Variants in CSMD1 observed in about 807,000 individuals in gnomAD.
The protein encoded by CSMD1 is CUB and sushi domain-containing protein 1.
In CSMD1, 213 loss-of-function variants were observed where a neutral mutation model predicts 417.5. The ratio of observed to expected loss-of-function variants is 0.51; its 90% CI spans 0.46 to 0.57. The LOEUF (loss-of-function observed/expected upper bound fraction) is 0.57. Among genes scored for constraint, CSMD1 ranks in the 20% least tolerant of loss-of-function variants. The pLI is 0.00. For missense variants in CSMD1, 6,923 were observed against 4,529.7 expected (o/e 1.53, Z -15.17); for synonymous variants, 2,862 against 1,736.8 (o/e 1.65, Z -16.11).
Position 4,538,269 on chromosome 8 carries a change from T to G in CSMD1, c.302+99073A>C, listed in dbSNP as rs1451440628. Among the ~76,000 whole-genome samples, 6 of 151,988 alleles carry G rather than the reference T, an allele frequency of 3.9e-5. No homozygotes were observed. The East Asian group carries it at 1.2e-3, about 29-fold the overall frequency. ...TATTTTTCTAATCCCTCTTCTGCATTTATTTTGTTATCCTACCACTACGAC... is the reference window on the plus strand; with the variant it reads ...TATTTTTCTAATCCCTCTTCTGCATGTATTTTGTTATCCTACCACTACGAC... On this transcript the variant is annotated intron_variant, in intron 2 of 69. Coordinates refer to ENST00000635120, the MANE Select transcript of CSMD1 (RefSeq NM_033225.6).
At chr8:4,117,653 C>A (rs1326950981) in intron 3 of CSMD1, among the ~76,000 whole-genome samples, 1 of 152,194 alleles carries the variant, frequency 6.6e-6, no homozygotes, top group South Asian at 2.1e-4. Flanking sequence ...GCCCGCACTT[C>A]TGGGTGCCAA....
At position 4,069,457 on chromosome 8, in the gene CSMD1, C is replaced by A. The variant is rs114516832; in HGVS notation, c.416-37358G>T. Among the ~76,000 whole-genome samples the A allele has an allele frequency of 6.7e-3, 1,020 of 152,270 alleles. 14 individuals are homozygous for A. Among genetic ancestry groups the A allele is most frequent in the African/African-American group, 0.024 (982 of 41,574 alleles). On this transcript the variant is annotated intron_variant, in intron 3 of 69. Transcript: ENST00000635120. ...CACCGTAAAGGAAATACAGTTTTGT[C>A]TTTCGCAGGATATTATCTCTAGGTA...
chr8:4,198,670 G>A (rs1476877948), intron 3 of CSMD1, among the ~76,000 whole-genome samples: 2 of 152,052 alleles, frequency 1.3e-5, no homozygotes, highest in African/African-American at 2.4e-5. Flanking sequence ...TTTTCCAGAT[G>A]GGGCTGGTAA....
chr8:3,061,906 T>C (rs778181575), intron 49 of CSMD1, among the ~76,000 whole-genome samples: 19 of 152,174 alleles, frequency 1.2e-4, no homozygotes, highest in Non-Finnish European at 2.6e-4. Flanking sequence ...TTCTTATGAC[T>C]AGTAAACGGC....
At chr8:4,100,078 G>C (rs1011942511) in intron 3 of CSMD1, among the ~76,000 whole-genome samples, 2 of 152,098 alleles carry the variant, frequency 1.3e-5, no homozygotes, top group Non-Finnish European at 2.9e-5. Context: ...AGAAATTTGG[G>C]TTAATCCAGA....
intron 1 of CSMD1, among the ~76,000 whole-genome samples, chr8:4,721,427 A>C (rs1462587833): frequency 6.6e-6 from 1 of 152,226 alleles, no homozygotes; most frequent in African/African-American, 2.4e-5. Context: ...TACAAATCAG[A>C]TTCTGAACAA....
At chr8:4,386,375 G>C (rs557180332) in intron 3 of CSMD1, among the ~76,000 whole-genome samples, 1 of 151,494 alleles carries the variant, frequency 6.6e-6, no homozygotes, top group Non-Finnish European at 1.5e-5. Context: ...TACACTATCA[G>C]ACATTCTCCT....
At chr8:3,592,924 G>T (rs1800918653) in intron 8 of CSMD1, among the ~76,000 whole-genome samples, 1 of 151,996 alleles carries the variant, frequency 6.6e-6, no homozygotes, top group Non-Finnish European at 1.5e-5. Flanking sequence ...CCACAGTGTG[G>T]AATCGATGAG....
At chr8:3,750,672 A>C (rs954658116) in intron 6 of CSMD1, among the ~76,000 whole-genome samples, 7 of 152,142 alleles carry the variant, frequency 4.6e-5, no homozygotes, top group Non-Finnish European at 1.0e-4. Flanking sequence ...GCTTGACAGA[A>C]GGTTTCACAT....
chr8:4,069,879 G>GTGTTT lies in CSMD1; in HGVS notation c.416-37785_416-37781dup, dbSNP rs143102316. On this transcript the variant is annotated intron_variant, in intron 3 of 69. Coordinates refer to ENST00000635120, the MANE Select transcript of CSMD1 (RefSeq NM_033225.6). ...TTCTATCCGGTACTGCAACAGTAAGGTGTTTTGTTTTGTTTTGTTTTGTTT... is the reference window on the plus strand; with the variant it reads ...TTCTATCCGGTACTGCAACAGTAAGGTGTTTTGTTTTGTTTTGTTTTGTTTTGTTT... Among the ~76,000 whole-genome samples the GTGTTT allele has an allele frequency of 1.1e-3, 161 of 152,100 alleles. 3 individuals are homozygous for GTGTTT. In the East Asian group the frequency reaches 0.019, roughly 18 times the overall value.
intron 5 of CSMD1, among the ~76,000 whole-genome samples, chr8:3,919,045 T>C (rs2627393): frequency 0.91 from 138,320 of 151,802 alleles, 63,141 homozygotes; most frequent in East Asian, 0.97. Context: ...TTAAAAAATA[T>C]GTGGTTGTAA....
At chr8:4,030,760 G>A (rs1032488441) in intron 4 of CSMD1, among the ~76,000 whole-genome samples, 1 of 152,074 alleles carries the variant, frequency 6.6e-6, no homozygotes, top group Admixed American at 6.5e-5. Context: ...TTGTCAGACT[G>A]CAAAGTTCAT....
chr8:3,656,784 G>A (rs938666074), intron 7 of CSMD1, among the ~76,000 whole-genome samples: 1 of 152,112 alleles, frequency 6.6e-6, no homozygotes, highest in East Asian at 1.9e-4. Flanking sequence ...AAATTAGGCA[G>A]ATGTGGTGGG....
At chr8:3,251,011 G>A (rs1800214346) in intron 26 of CSMD1, among the ~76,000 whole-genome samples, 1 of 152,106 alleles carries the variant, frequency 6.6e-6, no homozygotes, top group Non-Finnish European at 1.5e-5. Context: ...CATTTTGTAG[G>A]TTGCCTGTTC....
Position 3,189,913 on chromosome 8 carries a change from C to G in CSMD1, c.5397G>C (p.Val1799=). Residue 1799 remains valine (V), a splice_region_variant and synonymous_variant, in exon 34 of 70, where the codon GTG becomes GTC. Transcript: ENST00000635120. ...AQWNDTIPSC[V]VPCSGNFTQR... ...CAGCCGCTTAGGGACACTGCTCACC[C>G]ACACAGCTGGGGATCGTGTCGTTCC... 1.9e-6 allele frequency: 3 copies of G among 1,574,134 alleles called. No individual in the cohort carries two copies. Among genetic ancestry groups the G allele is most frequent in the Middle Eastern group, 1.8e-4 (1 of 5,708 alleles).
At chr8:4,200,540 T>C (rs887248628) in intron 3 of CSMD1, among the ~76,000 whole-genome samples, 1 of 152,082 alleles carries the variant, frequency 6.6e-6, no homozygotes, top group Non-Finnish European at 1.5e-5. Flanking sequence ...TTAATATAAA[T>C]GCCTGCTGTG....
intron 1 of CSMD1, among the ~76,000 whole-genome samples, chr8:4,648,429 G>C (rs983431103): frequency 6.6e-6 from 1 of 152,054 alleles, no homozygotes; most frequent in Non-Finnish European, 1.5e-5. Flanking sequence ...TTGGGGCTCA[G>C]TCCACACCAC....
chr8:4,067,547 G>A (rs1031660507), intron 3 of CSMD1, among the ~76,000 whole-genome samples: 6 of 151,864 alleles, frequency 4.0e-5, no homozygotes, highest in Admixed American at 6.6e-5. Flanking sequence ...AGCTTTACAT[G>A]TACCTAAAGC....
Position 3,723,065 on chromosome 8 carries a change from C to T in CSMD1, c.932-14574G>A, listed in dbSNP as rs73658222. Among the ~76,000 whole-genome samples, 393 of 152,296 alleles carry T rather than the reference C, an allele frequency of 2.6e-3. 1 individual carries two copies. Among genetic ancestry groups the T allele is most frequent in the African/African-American group, 8.3e-3 (347 of 41,582 alleles). ...AAGGAACTAGCGCAGCTGCTTTCTTCTCTTAGAGTCCTAAGGAAGAATCCT... is the reference window on the plus strand; with the variant it reads ...AAGGAACTAGCGCAGCTGCTTTCTTTTCTTAGAGTCCTAAGGAAGAATCCT... On this transcript the variant is annotated intron_variant, in intron 6 of 69. Transcript: ENST00000635120.
Sources: allele counts gnomAD v4.1 joint callset (sites outside exome capture counted in the v4.1 genomes callset), GRCh38; gene constraint gnomAD v4.1.1; transcripts MANE v1.5; gene names NCBI Gene and HGNC (gene_info 2026-07-23, HGNC 2026-07-21).